The following EFL1 variants were observed in gnomAD, a reference collection of about 807,000 sequenced individuals.
The protein encoded by EFL1 is elongation factor like GTPase 1, also known as elongation factor-like GTPase 1.
A neutral mutation model predicts 126.7 loss-of-function variants in EFL1; 76 were observed. The ratio of observed to expected loss-of-function variants is 0.60; its 90% CI spans 0.50 to 0.73. The LOEUF (loss-of-function observed/expected upper bound fraction) is 0.73. Ranked by LOEUF, EFL1 falls within the 30% of genes least tolerant of loss-of-function variation. EFL1 has a pLI of 0.00. For synonymous variants in EFL1, 410 were observed against 448.4 expected, an observed-to-expected ratio of 0.91 and a Z score of 1.08; for missense variants, 1,128 against 1,343.2, an observed-to-expected ratio of 0.84 and a Z score of 2.50.
intron 8 of EFL1, 68 bp downstream of exon 8, chr15:82,230,778 GAT>G: frequency 6.7e-7 from 1 of 1,498,468 alleles, no homozygotes; most frequent in Non-Finnish European, 8.9e-7. Context: ...ATTTATTAAA[GAT>G]ATTACAGTAT....
intron 18 of EFL1, among the ~76,000 whole-genome samples, chr15:82,146,969 G>C (rs189436914): frequency 3.3e-5 from 5 of 152,258 alleles, no homozygotes; most frequent in Non-Finnish European, 1.5e-5. Context: ...AAAATATAAG[G>C]ATAGGATGAC....
At chr15:82,206,561 A>G (rs547894203) in intron 15 of EFL1, among the ~76,000 whole-genome samples, 3 of 152,276 alleles carry the variant, frequency 2.0e-5, no homozygotes, top group Non-Finnish European at 4.4e-5. Flanking sequence ...GAAGATAATC[A>G]CTTCCGAATA....
chr15:82,183,024 A>T (rs998284896), intron 15 of EFL1, among the ~76,000 whole-genome samples: 6 of 152,062 alleles, frequency 3.9e-5, no homozygotes, highest in African/African-American at 1.2e-4. Context: ...GACAACAAGG[A>T]AGTCTGCAGG....
chr15:82,251,719 C>A (rs1254907125), intron 4 of EFL1, among the ~76,000 whole-genome samples: 2 of 152,148 alleles, frequency 1.3e-5, no homozygotes, highest in African/African-American at 4.8e-5. Flanking sequence ...TTTGGTACAA[C>A]AGCCATGCCC....
intron 15 of EFL1, among the ~76,000 whole-genome samples, chr15:82,195,822 A>C (rs751402267): frequency 6.6e-6 from 1 of 152,160 alleles, no homozygotes; most frequent in Non-Finnish European, 1.5e-5. Context: ...TCAACATCAG[A>C]GATATGCCTA....
chr15:82,181,723 C>T (rs1194981091), intron 15 of EFL1, among the ~76,000 whole-genome samples: 1 of 152,032 alleles, frequency 6.6e-6, no homozygotes. Context: ...ATGAACGTGA[C>T]ACTGTGCCTC....
chr15:82,257,345 T>A (rs1269660537), intron 3 of EFL1, among the ~76,000 whole-genome samples: 6 of 152,328 alleles, frequency 3.9e-5, no homozygotes, highest in Admixed American at 1.3e-4. Flanking sequence ...TTCTTGATCA[T>A]CTTGCTGGTG....
intron 15 of EFL1, among the ~76,000 whole-genome samples, chr15:82,164,305 CACTT>C (rs1279128117): frequency 3.9e-5 from 6 of 152,162 alleles, no homozygotes; most frequent in South Asian, 2.1e-4. Context: ...TTATTTCTAA[CACTT>C]AGTTGGTTTT....
chr15:82,169,780 T>G (rs927105540), intron 15 of EFL1, among the ~76,000 whole-genome samples: 2 of 152,180 alleles, frequency 1.3e-5, no homozygotes, highest in African/African-American at 2.4e-5. Flanking sequence ...TTATTCAACT[T>G]TCTGTTAGTC....
chr15:82,171,113 G>C (rs1167992366), intron 15 of EFL1, among the ~76,000 whole-genome samples: 1 of 152,142 alleles, frequency 6.6e-6, no homozygotes, highest in African/African-American at 2.4e-5. Context: ...GTCACTTCTG[G>C]ATGAAATGGC....
intron 15 of EFL1, among the ~76,000 whole-genome samples, chr15:82,185,353 G>T (rs1343485127): frequency 6.6e-6 from 1 of 151,342 alleles, no homozygotes; most frequent in African/African-American, 2.4e-5. Context: ...ACATATGTGT[G>T]ACTATTAAAT....
intron 18 of EFL1, among the ~76,000 whole-genome samples, chr15:82,144,160 G>GA (rs1818455887): frequency 6.6e-6 from 1 of 151,920 alleles, no homozygotes; most frequent in African/African-American, 2.4e-5. Flanking sequence ...GCTGAGGTGG[G>GA]AGGAGCGCTT....
chr15:82,159,414 C>T (rs1037897686), intron 16 of EFL1, among the ~76,000 whole-genome samples: 5 of 151,292 alleles, frequency 3.3e-5, no homozygotes, highest in African/African-American at 1.2e-4. Context: ...AAAATATATA[C>T]ACACTTAAAT....
At position 82,228,261 on chromosome 15, in the gene EFL1, T is replaced by C; in HGVS notation, c.999A>G (p.Arg333=). The change falls in exon 10 of 20, where the codon CGA becomes CGG. Residue 333 remains arginine (R), a synonymous_variant. Coordinates refer to ENST00000268206, the MANE Select transcript of EFL1 (RefSeq NM_024580.6). ...TGATCTGAACTTTAGGGTCTGAATG[T>C]CGTGCCTCCCGGGCTCCAATTTTTA... The part of the protein sequence containing the change: ...LGLKIGAREA[R]HSDPKVQINA... 6.2e-7 allele frequency: 1 copy of C among 1,614,144 alleles called. No homozygotes were observed. Among genetic ancestry groups the C allele is most frequent in the South Asian group, 1.1e-5 (1 of 91,070 alleles).
chr15:82,138,430 A>ATGTATGTG (rs1555423521), intron 19 of EFL1, among the ~76,000 whole-genome samples: 1 of 146,014 alleles, frequency 6.8e-6, no homozygotes, highest in Non-Finnish European at 1.5e-5. Flanking sequence ...GAGAGAGTGT[A>ATGTATGTG]TGTGTGTGTG....
intron 15 of EFL1, among the ~76,000 whole-genome samples, chr15:82,165,307 C>T (rs2074067808): frequency 6.6e-6 from 1 of 152,166 alleles, no homozygotes; most frequent in African/African-American, 2.4e-5. Flanking sequence ...GAAACACACA[C>T]ACACGGGCCA....
chr15:82,195,065 C>T (rs1196063416), intron 15 of EFL1, among the ~76,000 whole-genome samples: 1 of 152,174 alleles, frequency 6.6e-6, no homozygotes, highest in African/African-American at 2.4e-5. Context: ...AATAAACTGT[C>T]ACTTTCTACC....
intron 15 of EFL1, among the ~76,000 whole-genome samples, chr15:82,205,299 T>G (rs377348656): frequency 1.3e-5 from 2 of 152,310 alleles, no homozygotes; most frequent in East Asian, 3.9e-4. Context: ...CAAGGTATAA[T>G]CTAATGATTT....
chr15:82,204,696 G>T (rs1444912717), intron 15 of EFL1, among the ~76,000 whole-genome samples: 2 of 152,170 alleles, frequency 1.3e-5, no homozygotes, highest in Non-Finnish European at 1.5e-5. Flanking sequence ...CCTTGAGCAT[G>T]ACCTTTGCTT....
Sources: gnomAD v4.1 joint callset for allele counts (sites outside exome capture counted in the v4.1 genomes callset) on GRCh38, gnomAD v4.1.1 for gene constraint, MANE v1.5 for transcripts, NCBI Gene and HGNC (gene_info 2026-07-23, HGNC 2026-07-21) for gene names.